Variants in LRRK1 observed in about 807,000 individuals in gnomAD.
LRRK1 encodes the protein leucine-rich repeat serine/threonine-protein kinase 1.
LRRK1 carries 113 observed loss-of-function variants against 209.1 expected under a neutral mutation model. The observed-to-expected ratio is 0.54, with a 90% CI of 0.46 to 0.63. The LOEUF (loss-of-function observed/expected upper bound fraction) is 0.63. Ranked by LOEUF, LRRK1 falls within the 30% of genes least tolerant of loss-of-function variation. The pLI, the probability that LRRK1 is intolerant of heterozygous loss-of-function variation, is 0.00. For missense variants in LRRK1, 2,284 were observed against 2,632.2 expected (o/e 0.87, Z 2.89); for synonymous variants, 1,144 against 1,099.7 (o/e 1.04, Z -0.80).
chr15:100,921,115 T>C (rs192266744), intron 1 of LRRK1, among the ~76,000 whole-genome samples: 35 of 152,346 alleles, frequency 2.3e-4, no homozygotes, highest in African/African-American at 7.5e-4. Flanking sequence ...CTTAATTATC[T>C]TGTGGTCTCC....
rs148306907 is a variant in LRRK1, at chr15:101,046,407, G to A, written c.3135+255G>A. ...TTATAAACAGTGGTTCTCAGTGTTA[G>A]CCCACCTCAAAACCACCTGGAGTTT... On this transcript the variant is annotated intron_variant, in intron 21 of 33. Transcript: ENST00000388948. Among the ~76,000 whole-genome samples, 67 of 152,328 alleles carry A rather than the reference G, an allele frequency of 4.4e-4. 4 individuals are homozygous for A. The East Asian group carries it at 7.7e-3, about 18-fold the overall frequency.
chr15:101,050,203 C>A (rs1259628953), intron 23 of LRRK1, among the ~76,000 whole-genome samples: 1 of 152,180 alleles, frequency 6.6e-6, no homozygotes, highest in East Asian at 1.9e-4. Flanking sequence ...TGGAGGGGAG[C>A]CGTGGCAGCC....
intron 6 of LRRK1, among the ~76,000 whole-genome samples, chr15:100,995,153 C>G (rs1166241509): frequency 6.6e-6 from 1 of 152,104 alleles, no homozygotes; most frequent in African/African-American, 2.4e-5. Flanking sequence ...GCGATGATGT[C>G]TTAGGGAGAT....
chr15:101,048,740 C>T, intron 22 of LRRK1, 83 bp downstream of exon 22: 3 of 1,200,782 alleles, frequency 2.5e-6, no homozygotes, highest in Non-Finnish European at 3.4e-6. Flanking sequence ...GATGCCTCAT[C>T]CTCTTGGTGT....
chr15:100,988,177 A>G (rs1183753049), intron 4 of LRRK1, among the ~76,000 whole-genome samples: 1 of 152,180 alleles, frequency 6.6e-6, no homozygotes, highest in Non-Finnish European at 1.5e-5. Flanking sequence ...TCAGGGGTAC[A>G]TATGCAGGTT....
At chr15:100,960,174 T>C (rs2042847560) in intron 2 of LRRK1, among the ~76,000 whole-genome samples, 1 of 152,146 alleles carries the variant, frequency 6.6e-6, no homozygotes, top group Non-Finnish European at 1.5e-5. Flanking sequence ...TCCTTGACAG[T>C]TTTCCTGTTT....
At chr15:101,000,104 C>G (rs146631967) in intron 6 of LRRK1, among the ~76,000 whole-genome samples, 1 of 152,202 alleles carries the variant, frequency 6.6e-6, no homozygotes, top group East Asian at 1.9e-4. Flanking sequence ...TGGGTAAACC[C>G]CTCTAAGATT....
intron 12 of LRRK1, among the ~76,000 whole-genome samples, chr15:101,017,258 C>T (rs1007150246): frequency 1.3e-5 from 2 of 152,186 alleles, no homozygotes; most frequent in Non-Finnish European, 2.9e-5. Flanking sequence ...AGGAGGTGAA[C>T]TAGGGAGTTT....
At chr15:100,952,838 C>T (rs2042681455) in intron 2 of LRRK1, among the ~76,000 whole-genome samples, 1 of 148,592 alleles carries the variant, frequency 6.7e-6, no homozygotes. Flanking sequence ...AAGCTTACAT[C>T]TTACTTGGGA....
At chr15:100,945,482 CTTTTTTTTTTTTTTTTTTT>C (rs34038990) in intron 2 of LRRK1, among the ~76,000 whole-genome samples, 17 of 63,574 alleles carry the variant, frequency 2.7e-4, no homozygotes, top group African/African-American at 9.1e-4. Context: ...TGCAGAGCCT[CTTTTTTTTTTTTTTTTTTT>C]TTTTTTTTTT....
In LRRK1 at chr15:101,076,247, C is replaced by T. The variant is rs918237504; in HGVS notation, c.*7399C>T. 3.3e-5 allele frequency: 5 copies of T among 152,208 alleles called. No homozygotes were observed. The highest frequency in any genetic ancestry group is 2.9e-5 in the Non-Finnish European group (2 of 68,052). The allele number at this position is 152,208 out of a possible 1,614,324, so 9.4% of individuals were successfully genotyped here. A position where few individuals can be genotyped will look rare whatever the true frequency, so the allele number is the denominator to read the frequency against. On this transcript the variant is annotated 3_prime_UTR_variant, in exon 34 of 34. Transcript: ENST00000388948. ...CCTCAAAATCACAAACTATGCTCAA[C>T]TCACTCTCTACAGTTATCATAACTT...
At chr15:100,998,856 G>A (rs1319627067) in intron 6 of LRRK1, among the ~76,000 whole-genome samples, 2 of 152,006 alleles carry the variant, frequency 1.3e-5, no homozygotes, top group Admixed American at 1.3e-4. Context: ...AGATGGGTGG[G>A]TGGATGATTG....
chr15:101,051,629 G>A (rs13329662), intron 23 of LRRK1, 82 bp from the exon 24 acceptor site: 239,297 of 1,534,796 alleles, frequency 0.16, 19,660 homozygotes, highest in African/African-American at 0.27. Context: ...AAGGCCTCAG[G>A]GCCTGGGGTG....
chr15:100,951,104 G>A (rs1344471665), intron 2 of LRRK1, among the ~76,000 whole-genome samples: 4 of 151,926 alleles, frequency 2.6e-5, no homozygotes, highest in South Asian at 2.1e-4. Context: ...CTCCGTCTCA[G>A]AAAAAAAGAG....
chr15:100,956,287 T>C (rs535167046), intron 2 of LRRK1, among the ~76,000 whole-genome samples: 32 of 152,128 alleles, frequency 2.1e-4, no homozygotes, highest in African/African-American at 7.2e-4. Context: ...ATAATTGTTA[T>C]AGTAGTCTCA....
rs1267255810 is a variant in LRRK1 at position 101,010,452 on chromosome 15, T to C, written c.992T>C (p.Leu331Pro). 1 of 1,609,870 alleles carries C rather than the reference T, an allele frequency of 6.2e-7. No individual in the cohort carries two copies. The highest frequency in any genetic ancestry group is 1.1e-5 in the South Asian group (1 of 89,044). The part of the protein sequence containing the change: ...QSSDEIICSR[L>P]LEIDISSNKL... Reference sequence around the variant, plus strand: ...GCCTTCCTTCTTCTCCATCGCAGGCTACTTGAAATTGACATTTCCAGCAAC... The same window carrying C: ...GCCTTCCTTCTTCTCCATCGCAGGCCACTTGAAATTGACATTTCCAGCAAC... Residue 331 changes from leucine (L) to proline (P), a missense_variant and splice_region_variant, in exon 8 of 34, where the codon CTA becomes CCA. Around this residue, in one of 6 missense-constraint regions of LRRK1, gnomAD observed 494 missense variants for 522.1 expected, o/e 0.95. Coordinates refer to ENST00000388948, the MANE Select transcript of LRRK1 (RefSeq NM_024652.6).
intron 3 of LRRK1, among the ~76,000 whole-genome samples, chr15:100,979,272 C>T (rs1305785104): frequency 1.3e-5 from 2 of 152,154 alleles, no homozygotes; most frequent in Non-Finnish European, 2.9e-5. Flanking sequence ...AAACCTACAA[C>T]TAACATCATT....
At chr15:100,943,141 T>A (rs565901081) in intron 2 of LRRK1, among the ~76,000 whole-genome samples, 2 of 152,350 alleles carry the variant, frequency 1.3e-5, no homozygotes, top group African/African-American at 4.8e-5. Context: ...TATTTCACTT[T>A]CTTAAAATAG....
At chr15:100,982,770 C>T (rs547663586) in intron 3 of LRRK1, among the ~76,000 whole-genome samples, 1 of 152,338 alleles carries the variant, frequency 6.6e-6, no homozygotes, top group South Asian at 2.1e-4. Context: ...TAACATGTAC[C>T]AAGTGGTTAC....
Sources: allele counts gnomAD v4.1 joint callset (sites outside exome capture counted in the v4.1 genomes callset), GRCh38; gene constraint gnomAD v4.1.1; regional missense constraint gnomAD v4.1.1; transcripts MANE v1.5; gene names NCBI Gene and HGNC (gene_info 2026-07-23, HGNC 2026-07-21).